HMG20A: variants seen among roughly 807,000 people sequenced by gnomAD.
HMG20A encodes high mobility group protein 20A.
A neutral mutation model predicts 43.9 loss-of-function variants in HMG20A; 17 were observed. That is an observed-to-expected ratio of 0.39 (90% CI 0.27 to 0.58). The LOEUF (loss-of-function observed/expected upper bound fraction) is 0.58, where lower values mean the gene tolerates loss of function less well. HMG20A is among the 20% of genes least tolerant of loss of function. The pLI, the probability that HMG20A is intolerant of heterozygous loss-of-function variation, is 0.59. For synonymous variants in HMG20A, 132 were observed against 147.5 expected, an observed-to-expected ratio of 0.89 and a Z score of 0.76; for missense variants, 341 against 438.2, an observed-to-expected ratio of 0.78 and a Z score of 1.98.
intron 5 of HMG20A, 78 bp downstream of exon 5, chr15:77,471,120 T>C (rs2072804364): frequency 6.4e-6 from 9 of 1,411,072 alleles, no homozygotes; most frequent in Non-Finnish European, 8.6e-6. Flanking sequence ...TTAAGAGTGG[T>C]AACTATAAAA....
chr15:77,480,155 G>C (rs1161194759), intron 9 of HMG20A, among the ~76,000 whole-genome samples: 1 of 152,058 alleles, frequency 6.6e-6, no homozygotes, highest in East Asian at 1.9e-4. Flanking sequence ...AGCCAGGCAT[G>C]GTGGTATGCG....
chr15:77,445,447 C>T (rs1222574465), intron 1 of HMG20A, among the ~76,000 whole-genome samples: 2 of 152,182 alleles, frequency 1.3e-5, no homozygotes, highest in African/African-American at 4.8e-5. Context: ...CCAAGACCCC[C>T]GGTAGGATGC....
intron 4 of HMG20A, among the ~76,000 whole-genome samples, chr15:77,468,112 A>G (rs948158985): frequency 2.0e-5 from 3 of 152,238 alleles, no homozygotes; most frequent in Non-Finnish European, 2.9e-5. Context: ...AAGAGATCAG[A>G]TTCAGTTGCA....
chr15:77,443,899 T>C (rs371523379), intron 1 of HMG20A, among the ~76,000 whole-genome samples: 1 of 151,906 alleles, frequency 6.6e-6, no homozygotes, highest in Non-Finnish European at 1.5e-5. Context: ...TTGGTAGAGA[T>C]GGGGTTTCGC....
Position 77,479,132 on chromosome 15 carries a change from C to A in HMG20A, c.908-47C>A, listed in dbSNP as rs115277212. 2,178 of 1,590,132 alleles carry A rather than the reference C, an allele frequency of 1.4e-3. 26 individuals carry two copies. In the African/African-American group the frequency reaches 0.026, roughly 19 times the overall value. ...TTCTTTGAAATTGTGTTTTATGGTA[C>A]AACTGAATAGGGAGGATTTTCTTAC... On this transcript the variant is annotated intron_variant, in intron 8 of 9. Coordinates refer to ENST00000336216, the MANE Select transcript of HMG20A (RefSeq NM_001304504.2).
chr15:77,477,912 G>C (rs1369857186), intron 7 of HMG20A, among the ~76,000 whole-genome samples: 1 of 152,144 alleles, frequency 6.6e-6, no homozygotes, highest in African/African-American at 2.4e-5. Flanking sequence ...ATAAGTAAGA[G>C]CAAGTCTGAT....
chr15:77,496,086 C>T, the HMG20A span, among the ~76,000 whole-genome samples: 2 of 152,154 alleles, frequency 1.3e-5, no homozygotes, highest in South Asian at 2.1e-4. Context: ...TGGAAGATGC[C>T]GGAGCCTCAG....
At chr15:77,449,065 TAATAA>T (rs1012969482) in intron 1 of HMG20A, among the ~76,000 whole-genome samples, 12 of 151,880 alleles carry the variant, frequency 7.9e-5, no homozygotes, top group African/African-American at 2.7e-4. Context: ...AATAAATAAA[TAATAA>T]AATAAAGATC....
the HMG20A span, among the ~76,000 whole-genome samples, chr15:77,494,776 G>T: frequency 6.6e-6 from 1 of 152,156 alleles, no homozygotes; most frequent in Non-Finnish European, 1.5e-5. Flanking sequence ...CATAAAAAAA[G>T]ATATAGATTA....
At chr15:77,477,974 G>A in intron 7 of HMG20A, 1 of 484,046 alleles carries the variant, frequency 2.1e-6, no homozygotes, top group Non-Finnish European at 3.7e-6. Context: ...AGTCTCCCAG[G>A]ATCCCCCTGC....
chr15:77,471,635 C>T (rs553824774), intron 5 of HMG20A, 148 bp from the exon 6 acceptor site: 18 of 615,688 alleles, frequency 2.9e-5, no homozygotes, highest in African/African-American at 1.4e-4. Context: ...GTTGGCTGAC[C>T]GATTAATAAA....
intron 1 of HMG20A, among the ~76,000 whole-genome samples, chr15:77,432,722 C>CAAAAAAA (rs34459644): frequency 7.7e-5 from 6 of 77,700 alleles, no homozygotes; most frequent in Admixed American, 1.4e-4. Flanking sequence ...AACTCCGACT[C>CAAAAAAA]AAAAAAAAAA....
the HMG20A span, among the ~76,000 whole-genome samples, chr15:77,497,756 G>T: frequency 1.3e-5 from 2 of 151,824 alleles, no homozygotes; most frequent in Non-Finnish European, 2.9e-5. Flanking sequence ...AAGGGGGATG[G>T]CTGGTGAACT....
chr15:77,516,637 A>C, the HMG20A span, among the ~76,000 whole-genome samples: 1 of 152,110 alleles, frequency 6.6e-6, no homozygotes, highest in Non-Finnish European at 1.5e-5. Context: ...CCCCCTCAAG[A>C]GTCCCCAGGG....
intron 4 of HMG20A, 43 bp downstream of exon 4, chr15:77,467,350 A>G: frequency 6.7e-7 from 1 of 1,492,358 alleles, no homozygotes; most frequent in Non-Finnish European, 9.3e-7. Flanking sequence ...TTTTGATTAT[A>G]TCTCAGAAAT....
At chr15:77,496,407 G>A in the HMG20A span, among the ~76,000 whole-genome samples, 3 of 152,158 alleles carry the variant, frequency 2.0e-5, no homozygotes, top group Non-Finnish European at 4.4e-5. Context: ...ACAGCAACCA[G>A]GCCCCTGGGT....
intron 1 of HMG20A, among the ~76,000 whole-genome samples, chr15:77,447,127 T>G (rs1301861766): frequency 6.6e-6 from 1 of 152,200 alleles, no homozygotes; most frequent in African/African-American, 2.4e-5. Flanking sequence ...AACTCTTAGT[T>G]CAGGCACTGG....
chr15:77,437,513 G>A (rs2073561948), intron 1 of HMG20A, among the ~76,000 whole-genome samples: 1 of 152,154 alleles, frequency 6.6e-6, no homozygotes, highest in Non-Finnish European at 1.5e-5. Flanking sequence ...GGCAGTGTGT[G>A]CAGATTTTAT....
chr15:77,440,202 C>T (rs1161629852), intron 1 of HMG20A, among the ~76,000 whole-genome samples: 1 of 152,110 alleles, frequency 6.6e-6, no homozygotes, highest in South Asian at 2.1e-4. Context: ...TCCAATTTGT[C>T]ACTTTTCTCT....
Sources: gnomAD v4.1 joint callset for allele counts (sites outside exome capture counted in the v4.1 genomes callset) on GRCh38, gnomAD v4.1.1 for gene constraint, MANE v1.5 for transcripts, NCBI Gene and HGNC (gene_info 2026-07-23, HGNC 2026-07-21) for gene names.